Variants in CNTN5 observed in about 807,000 individuals in gnomAD.
CNTN5 encodes contactin 5.
A neutral mutation model predicts 129.1 loss-of-function variants in CNTN5; 77 were observed. That is an observed-to-expected ratio of 0.60 (90% CI 0.50 to 0.72). The LOEUF (loss-of-function observed/expected upper bound fraction) is 0.72, where lower values mean the gene tolerates loss of function less well. CNTN5 is among the 30% of genes least tolerant of loss of function. The pLI is 0.00. For synonymous variants in CNTN5, 509 were observed against 465.6 expected, an observed-to-expected ratio of 1.09 and a Z score of -1.20; for missense variants, 1,478 against 1,328.8, an observed-to-expected ratio of 1.11 and a Z score of -1.75.
intron 9 of CNTN5, among the ~76,000 whole-genome samples, chr11:100,004,378 C>G (rs113301630): frequency 1.3e-5 from 2 of 152,132 alleles, no homozygotes; most frequent in African/African-American, 4.8e-5. Context: ...CATGGGGGCT[C>G]TCATTCATCC....
chr11:99,967,680 C>G (rs1234771618), intron 8 of CNTN5, among the ~76,000 whole-genome samples: 2 of 152,052 alleles, frequency 1.3e-5, no homozygotes, highest in Non-Finnish European at 2.9e-5. Context: ...GAACACTCCC[C>G]ATTAACCACA....
chr11:99,833,793 C>A (rs371307946), intron 4 of CNTN5, among the ~76,000 whole-genome samples: 5 of 152,174 alleles, frequency 3.3e-5, no homozygotes, highest in Admixed American at 1.3e-4. Flanking sequence ...AGACTCTTGC[C>A]AACACCAGGC....
At chr11:99,406,399 G>GTCTCTCTC (rs138667399) in intron 2 of CNTN5, among the ~76,000 whole-genome samples, 12 of 150,150 alleles carry the variant, frequency 8.0e-5, no homozygotes, top group African/African-American at 2.4e-4. Context: ...CCCAAACAGA[G>GTCTCTCTC]TCTCTCTCTC....
chr11:99,355,788 T>G (rs1938604634), intron 2 of CNTN5, among the ~76,000 whole-genome samples: 1 of 151,700 alleles, frequency 6.6e-6, no homozygotes, highest in Non-Finnish European at 1.5e-5. Flanking sequence ...ATTGTCCTCA[T>G]GGTCACAAAT....
chr11:99,206,223 A>G lies in CNTN5; in HGVS notation c.-209-119123A>G, dbSNP rs932570253. ...TTTATTTCCGAAAGATTTCTTTCTTAGTGGAAAGTGTGCCTGGGTAGGAAC... is the reference window on the plus strand; with the variant it reads ...TTTATTTCCGAAAGATTTCTTTCTTGGTGGAAAGTGTGCCTGGGTAGGAAC... On this transcript the variant is annotated intron_variant, in intron 1 of 24. Coordinates refer to ENST00000524871, the MANE Select transcript of CNTN5 (RefSeq NM_014361.4). Among the ~76,000 whole-genome samples the G allele has an allele frequency of 3.3e-5, 5 of 152,198 alleles. No homozygotes were observed. The South Asian group carries it at 1.0e-3, about 32-fold the overall frequency.
intron 2 of CNTN5, among the ~76,000 whole-genome samples, chr11:99,540,758 A>G (rs1253118750): frequency 2.6e-5 from 4 of 152,190 alleles, no homozygotes; most frequent in African/African-American, 9.6e-5. Flanking sequence ...CTTTCTCACT[A>G]TTATATCTGC....
intron 13 of CNTN5, among the ~76,000 whole-genome samples, chr11:100,110,694 G>T (rs187928704): frequency 1.7e-3 from 265 of 152,196 alleles, no homozygotes; most frequent in African/African-American, 6.0e-3. Flanking sequence ...TACCTTGAAG[G>T]GCTCTGTATT....
At chr11:99,702,114 A>G (rs1954548495) in intron 3 of CNTN5, among the ~76,000 whole-genome samples, 1 of 151,094 alleles carries the variant, frequency 6.6e-6, no homozygotes, top group Non-Finnish European at 1.5e-5. Flanking sequence ...AAAAGCTCAC[A>G]AAAACTACCT....
chr11:99,287,871 A>G (rs537398719), intron 1 of CNTN5, among the ~76,000 whole-genome samples: 1 of 152,012 alleles, frequency 6.6e-6, no homozygotes, highest in Non-Finnish European at 1.5e-5. Context: ...GGAGGAATAA[A>G]GGAGAAGAGG....
At chr11:99,729,141 A>T (rs1943445635) in intron 3 of CNTN5, among the ~76,000 whole-genome samples, 1 of 152,182 alleles carries the variant, frequency 6.6e-6, no homozygotes. Context: ...ACATAAAATG[A>T]AGATGAAAGA....
intron 17 of CNTN5, among the ~76,000 whole-genome samples, chr11:100,257,521 G>A (rs7111762): frequency 0.027 from 4,108 of 152,184 alleles, 197 homozygotes; most frequent in African/African-American, 0.094. Context: ...AGTTGTCACC[G>A]ACACCTCATA....
rs142971175 is a variant in CNTN5, at chr11:99,251,812, G to T, written c.-209-73534G>T. On this transcript the variant is annotated intron_variant, in intron 1 of 24. Coordinates refer to ENST00000524871, the MANE Select transcript of CNTN5 (RefSeq NM_014361.4). ...CCATACAACGCCTAAGTGGTGGTTG[G>T]AAAGCTTCCTTTATCCATGGCTATA... 3.2e-3 allele frequency among the ~76,000 whole-genome samples: 493 copies of T among 152,074 alleles called. 1 individual carries two copies. The highest frequency in any genetic ancestry group is 0.011 in the African/African-American group (472 of 41,518).
chr11:100,151,006 G>A (rs1328221736), intron 13 of CNTN5, among the ~76,000 whole-genome samples: 2 of 152,132 alleles, frequency 1.3e-5, no homozygotes, highest in South Asian at 2.1e-4. Context: ...CCATCTGCAA[G>A]CCAGGAGGAA....
chr11:100,194,843 A>T (rs1396068533), intron 15 of CNTN5, among the ~76,000 whole-genome samples: 1 of 152,014 alleles, frequency 6.6e-6, no homozygotes, highest in African/African-American at 2.4e-5. Context: ...GCATTTTCCA[A>T]TGTAACAAAA....
chr11:99,417,674 A>G (rs2135038762), intron 2 of CNTN5, among the ~76,000 whole-genome samples: 1 of 152,202 alleles, frequency 6.6e-6, no homozygotes, highest in Middle Eastern at 3.4e-3. Context: ...AATTGTAAGT[A>G]TTGTCCCATG....
chr11:99,796,355 G>A (rs985921536), intron 3 of CNTN5, among the ~76,000 whole-genome samples: 4 of 152,202 alleles, frequency 2.6e-5, no homozygotes, highest in African/African-American at 9.6e-5. Flanking sequence ...TTGGGGAGGG[G>A]AGGTGATGTC....
intron 1 of CNTN5, 59 bp downstream of exon 1, chr11:99,021,329 C>T (rs1862861338): frequency 6.6e-6 from 1 of 152,144 alleles, no homozygotes; most frequent in African/African-American, 2.4e-5. Context: ...ACTTCATCTC[C>T]CAGCCACTTA....
intron 3 of CNTN5, among the ~76,000 whole-genome samples, chr11:99,801,816 C>A (rs1007165940): frequency 5.3e-5 from 8 of 152,254 alleles, no homozygotes; most frequent in African/African-American, 1.9e-4. Flanking sequence ...TCCTTCTATT[C>A]CTGTATTGCT....
chr11:99,233,093 G>C (rs7940301), intron 1 of CNTN5, among the ~76,000 whole-genome samples: 1,831 of 152,066 alleles, frequency 0.012, 31 homozygotes, highest in African/African-American at 0.042. Context: ...TACCTGTAGC[G>C]GGCCTTCAAG....
Sources: gnomAD v4.1 joint callset for allele counts (sites outside exome capture counted in the v4.1 genomes callset) on GRCh38, gnomAD v4.1.1 for gene constraint, MANE v1.5 for transcripts, NCBI Gene and HGNC (gene_info 2026-07-23, HGNC 2026-07-21) for gene names.